The following IER3IP1 variants were observed in gnomAD, a reference collection of about 807,000 sequenced individuals.
IER3IP1 encodes immediate early response 3-interacting protein 1.
IER3IP1 carries 16 observed loss-of-function variants against 12.2 expected under a neutral mutation model. That is an observed-to-expected ratio of 1.31 (90% CI 0.89 to 1.99). The LOEUF is 1.99. IER3IP1 is among the 30% of genes most tolerant of loss of function. IER3IP1 has a pLI of 0.00. For synonymous variants in IER3IP1, 42 were observed against 40.0 expected (o/e 1.05, Z -0.19); for missense variants, 95 against 95.8 (o/e 0.99, Z 0.03).
At chr18:47,167,105 C>T (rs2063998453) in intron 1 of IER3IP1, among the ~76,000 whole-genome samples, 1 of 151,878 alleles carries the variant, frequency 6.6e-6, no homozygotes, top group South Asian at 2.1e-4. Context: ...GGCTGGAGTC[C>T]AGTGGCGCAG....
chr18:47,169,204 T>C (rs1254577391), intron 1 of IER3IP1, among the ~76,000 whole-genome samples: 1 of 152,242 alleles, frequency 6.6e-6, no homozygotes. Flanking sequence ...ATGTGGTCTT[T>C]TACGACTAGC....
chr18:47,157,623 C>T, intron 1 of IER3IP1, 86 bp from the exon 2 acceptor site: 1 of 1,150,930 alleles, frequency 8.7e-7, no homozygotes, highest in Non-Finnish European at 1.3e-6. Flanking sequence ...AGTTTGAGAC[C>T]TTGTTAAAGA....
rs551787553 is a variant in IER3IP1 at position 47,162,031 on chromosome 18, A to C, written c.92-4494T>G. On this transcript the variant is annotated intron_variant, in intron 1 of 2. Coordinates refer to ENST00000256433, the MANE Select transcript of IER3IP1 (RefSeq NM_016097.5). ...TAACAAGAGGCAGAGCTCAGGCACT[A>C]ATGTGGGCCATGGGGAGTGGCTGTA... 4.3e-4 allele frequency among the ~76,000 whole-genome samples: 66 copies of C among 152,190 alleles called. No individual in the cohort carries two copies. The Middle Eastern group carries it at 0.02, about 47-fold the overall frequency.
rs745519452 is a variant in IER3IP1, at chr18:47,156,162, T to C, written c.*15A>G. On this transcript the variant is annotated 3_prime_UTR_variant, in exon 3 of 3. Transcript: ENST00000256433. ...GGCATGTCCTCTTCTGAGTCTCCAT[T>C]TTCTCCACTGATATTCATCCAAATA... 6.8e-6 allele frequency: 10 copies of C among 1,472,918 alleles called. No individual in the cohort carries two copies. In the South Asian group the frequency reaches 1.0e-4, roughly 15 times the overall value. The allele number at this position is 1,472,918 out of a possible 1,614,324, so 91.2% of individuals were successfully genotyped here.
chr18:47,169,072 C>T lies in IER3IP1; in HGVS notation c.91+7115G>A, dbSNP rs2064006539. The stretch of plus-strand genomic sequence containing the variant: ...ACCCTGTACACATTGGCAACCACTT[C>T]CCACAACCTCAGGCCCTCCAGCACC... On this transcript the variant is annotated intron_variant, in intron 1 of 2. Transcript: ENST00000256433. 2.6e-5 allele frequency among the ~76,000 whole-genome samples: 4 copies of T among 152,306 alleles called. No individual in the cohort carries two copies. The South Asian group carries it at 8.3e-4, about 32-fold the overall frequency.
At chr18:47,164,147 C>T (rs1001690092) in intron 1 of IER3IP1, among the ~76,000 whole-genome samples, 1 of 151,710 alleles carries the variant, frequency 6.6e-6, no homozygotes, top group Admixed American at 6.6e-5. Context: ...AAAAAAATTG[C>T]TCTTCAACAA....
chr18:47,153,821 G>A lies in IER3IP1; in HGVS notation c.*2356C>T, dbSNP rs1298821578. ...TTTATGGAAATGCCTTGGGAAGCCT[G>A]ACAAGAGTGCAGTGGAGGCTGAATA... is the stretch of plus-strand genomic sequence containing the variant. On this transcript the variant is annotated 3_prime_UTR_variant, in exon 3 of 3. Coordinates refer to ENST00000256433, the MANE Select transcript of IER3IP1 (RefSeq NM_016097.5). 11 of 152,244 alleles carry A rather than the reference G, an allele frequency of 7.2e-5. No individual in the cohort carries two copies. Among genetic ancestry groups the A allele is most frequent in the African/African-American group, 2.2e-4 (9 of 41,530 alleles). 9.4% of individuals were successfully genotyped at this position (152,244 alleles called of 1,614,324 possible). A position where few individuals can be genotyped will look rare whatever the true frequency, so the allele number is the denominator to read the frequency against.
chr18:47,156,715 T>C (rs1255317724), intron 2 of IER3IP1, among the ~76,000 whole-genome samples: 2 of 152,158 alleles, frequency 1.3e-5, no homozygotes, highest in African/African-American at 4.8e-5. Context: ...GAACTCTTTT[T>C]TTCTTGAATT....
chr18:47,158,490 C>T lies in IER3IP1; in HGVS notation c.92-953G>A, dbSNP rs138884580. On this transcript the variant is annotated intron_variant, in intron 1 of 2. Coordinates refer to ENST00000256433, the MANE Select transcript of IER3IP1 (RefSeq NM_016097.5). ...CCGAGTAGCTGGGACTATAGGCGCA[C>T]GCCACCACACCCGGCTAATTTTTGT... 2.2e-3 allele frequency among the ~76,000 whole-genome samples: 329 copies of T among 152,004 alleles called. 2 individuals are homozygous for T. The highest frequency in any genetic ancestry group is 7.5e-3 in the African/African-American group (312 of 41,506).
chr18:47,169,589 T>A (rs2064008523), intron 1 of IER3IP1, among the ~76,000 whole-genome samples: 1 of 151,848 alleles, frequency 6.6e-6, no homozygotes, highest in East Asian at 1.9e-4. Flanking sequence ...TTAGTGTTTT[T>A]AACTTTTTTA....
In IER3IP1 at chr18:47,176,337, G is replaced by GGC; in HGVS notation, c.-62_-61dup. ...TCTCTCCCGCCGCCGCAAGGGACGT[G>GGC]GCGCCTCCACGGCCGGCGCCTTCCT... On this transcript the variant is annotated 5_prime_UTR_variant, in exon 1 of 3. Transcript: ENST00000256433. 3 of 1,459,924 alleles carry GGC rather than the reference G, an allele frequency of 2.1e-6. No individual in the cohort carries two copies. The South Asian group carries it at 3.6e-5, about 18-fold the overall frequency. 90.4% of individuals were successfully genotyped at this position (1,459,924 alleles called of 1,614,324 possible).
intron 1 of IER3IP1, among the ~76,000 whole-genome samples, chr18:47,163,749 A>C (rs778740914): frequency 2.6e-5 from 4 of 152,212 alleles, no homozygotes; most frequent in South Asian, 2.1e-4. Context: ...TACACATATT[A>C]CTTTGATAAA....
intron 1 of IER3IP1, 82 bp from the exon 2 acceptor site, chr18:47,157,619 A>C: frequency 8.2e-7 from 1 of 1,217,182 alleles, no homozygotes. Context: ...GATTAGTTTG[A>C]GACCTTGTTA....
chr18:47,166,803 T>C (rs1450649130), intron 1 of IER3IP1, among the ~76,000 whole-genome samples: 1 of 152,182 alleles, frequency 6.6e-6, no homozygotes, highest in Admixed American at 6.5e-5. Context: ...AGCACCTATA[T>C]AAACAATATT....
Position 47,164,057 on chromosome 18 carries a change from A to T in IER3IP1, c.92-6520T>A, listed in dbSNP as rs747304680. Among the ~76,000 whole-genome samples, 145 of 152,284 alleles carry T rather than the reference A, an allele frequency of 9.5e-4. 1 individual carries two copies. The highest frequency in any genetic ancestry group is 1.1e-3 in the Non-Finnish European group (73 of 68,022). On this transcript the variant is annotated intron_variant, in intron 1 of 2. Coordinates refer to ENST00000256433, the MANE Select transcript of IER3IP1 (RefSeq NM_016097.5). ...TTTATTGGAAACCATACTTCCCAGC[A>T]ATCTTTTTTTCTTTTAGATCTGTTC...
intron 1 of IER3IP1, among the ~76,000 whole-genome samples, chr18:47,166,173 G>A (rs1480679984): frequency 6.6e-6 from 1 of 151,938 alleles, no homozygotes; most frequent in Non-Finnish European, 1.5e-5. Flanking sequence ...CATATTCCCT[G>A]TATCACTGTC....
intron 1 of IER3IP1, among the ~76,000 whole-genome samples, chr18:47,171,596 T>A (rs1440806856): frequency 6.6e-6 from 1 of 152,252 alleles, no homozygotes; most frequent in Non-Finnish European, 1.5e-5. Flanking sequence ...AGCTAAAGAC[T>A]TGTCAATTTT....
At chr18:47,158,911 C>T (rs960811504) in intron 1 of IER3IP1, among the ~76,000 whole-genome samples, 39 of 152,132 alleles carry the variant, frequency 2.6e-4, no homozygotes, top group African/African-American at 9.4e-4. Flanking sequence ...TGCAGTGAGC[C>T]ATGATCATGC....
chr18:47,171,605 T>C (rs191220458), intron 1 of IER3IP1, among the ~76,000 whole-genome samples: 209 of 152,344 alleles, frequency 1.4e-3, no homozygotes, highest in Non-Finnish European at 8.4e-4. Flanking sequence ...CTTGTCAATT[T>C]TGTCAAGGAA....
Sources: allele counts gnomAD v4.1 joint callset (sites outside exome capture counted in the v4.1 genomes callset), GRCh38; gene constraint gnomAD v4.1.1; transcripts MANE v1.5; gene names NCBI Gene and HGNC (gene_info 2026-07-23, HGNC 2026-07-21).